The following DYM variants were observed in gnomAD, a reference collection of about 807,000 sequenced individuals.
DYM encodes the protein dyggve-Melchior-Clausen syndrome protein.
A neutral mutation model predicts 93.1 loss-of-function variants in DYM; 78 were observed. The observed-to-expected ratio is 0.84, with a 90% CI of 0.70 to 1.01. DYM has a LOEUF of 1.01. DYM is among the 50% of genes least tolerant of loss of function. The pLI is 0.00. For synonymous variants in DYM, 321 were observed against 319.7 expected, an observed-to-expected ratio of 1.00 and a Z score of -0.04; for missense variants, 789 against 845.0, an observed-to-expected ratio of 0.93 and a Z score of 0.82.
intron 10 of DYM, among the ~76,000 whole-genome samples, chr18:49,277,051 T>C (rs1248809254): frequency 6.6e-6 from 1 of 152,104 alleles, no homozygotes; most frequent in African/African-American, 2.4e-5. Flanking sequence ...TATGGATGGC[T>C]CCCTGTGACA....
chr18:49,436,140 G>A (rs774639171), intron 1 of DYM, among the ~76,000 whole-genome samples: 3 of 152,108 alleles, frequency 2.0e-5, no homozygotes, highest in Non-Finnish European at 4.4e-5. Context: ...AGCCTTCTGA[G>A]TAGGTGGGAT....
intron 2 of DYM, among the ~76,000 whole-genome samples, chr18:49,423,303 A>T (rs549424277): frequency 6.6e-6 from 1 of 152,360 alleles, no homozygotes; most frequent in African/African-American, 2.4e-5. Context: ...TACTGGGTAC[A>T]TAACAAAAGG....
chr18:49,331,918 G>C lies in DYM; in HGVS notation c.709C>G (p.Pro237Ala), dbSNP rs2063332643. The stretch of plus-strand genomic sequence containing the variant: ...AGTCCTCCCCCATCCGACTGCTGAG[G>C]GAAAACATGGGCCCCTGGAGGAGGT... ...KPPPPGAHVF[P>A]QQSDGGGLLY... is the part of the protein sequence containing the mutation. The change falls in exon 8 of 18, where the codon CCT (proline) becomes GCT (alanine). Residue 237 changes from proline (P) to alanine (A), a missense_variant. Around this residue, in one of 3 missense-constraint regions of DYM, gnomAD observed 450 missense variants for 436.2 expected, o/e 1.03. Coordinates refer to ENST00000675505, the MANE Select transcript of DYM (RefSeq NM_001353214.3). The C allele has an allele frequency of 6.2e-7, 1 of 1,614,092 alleles. No homozygotes were observed. The highest frequency in any genetic ancestry group is 1.3e-5 in the African/African-American group (1 of 75,038).
Position 49,268,959 on chromosome 18 carries a change from A to G in DYM, c.1251+3219T>C, listed in dbSNP as rs370401306. On this transcript the variant is annotated intron_variant, in intron 11 of 17. Transcript: ENST00000675505. ...AAAGCAAAAATAAATTAATGGGGCT[A>G]TATTAAACTAAAAAGCTTCTACACA... Among the ~76,000 whole-genome samples, 21 of 152,264 alleles carry G rather than the reference A, an allele frequency of 1.4e-4. No individual in the cohort carries two copies. In the South Asian group the frequency reaches 4.1e-3, roughly 30 times the overall value.
intron 14 of DYM, among the ~76,000 whole-genome samples, chr18:49,187,827 A>T (rs12104057): frequency 0.026 from 3,947 of 152,278 alleles, 162 homozygotes; most frequent in African/African-American, 0.089. Context: ...CCATGTTAGG[A>T]AAAATAACAT....
chr18:49,454,099 T>G (rs905459177), intron 1 of DYM, among the ~76,000 whole-genome samples: 3 of 152,142 alleles, frequency 2.0e-5, no homozygotes, highest in Non-Finnish European at 4.4e-5. Flanking sequence ...GACCCTTAGA[T>G]TGACCCCAGG....
In DYM at chr18:49,077,586, G is replaced by A. The variant is rs934718602; in HGVS notation, c.2025+19816C>T. On this transcript the variant is annotated intron_variant, in intron 17 of 17. Coordinates refer to ENST00000675505, the MANE Select transcript of DYM (RefSeq NM_001353214.3). The stretch of plus-strand genomic sequence containing the variant: ...AGACGTTCTACCAGTTGCTGAGGGA[G>A]GGTTAAGTCTCCAACACAGTGGAGT... 2.6e-5 allele frequency among the ~76,000 whole-genome samples: 4 copies of A among 152,192 alleles called. No individual in the cohort carries two copies. The East Asian group carries it at 7.7e-4, about 29-fold the overall frequency.
At chr18:49,426,384 T>C (rs1412084685) in intron 2 of DYM, among the ~76,000 whole-genome samples, 1 of 102,826 alleles carries the variant, frequency 9.7e-6, no homozygotes, top group East Asian at 3.3e-4. Flanking sequence ...CATCACACAC[T>C]GGGGCCTGTT....
chr18:49,392,036 G>A (rs1183515873), intron 2 of DYM, among the ~76,000 whole-genome samples: 2 of 152,116 alleles, frequency 1.3e-5, no homozygotes, highest in East Asian at 3.8e-4. Flanking sequence ...AATACATGGA[G>A]TGTCATGATT....
At chr18:49,167,782 C>T (rs1464092074) in intron 14 of DYM, among the ~76,000 whole-genome samples, 1 of 152,100 alleles carries the variant, frequency 6.6e-6, no homozygotes, top group Non-Finnish European at 1.5e-5. Context: ...ATTCACTTAG[C>T]TGGGATCTAT....
chr18:49,258,596 G>T, intron 11 of DYM, 103 bp from the exon 12 acceptor site: 1 of 773,914 alleles, frequency 1.3e-6, no homozygotes, highest in East Asian at 2.7e-5. Context: ...TGCTCTGAAG[G>T]TGAGTTAAGC....
intron 16 of DYM, among the ~76,000 whole-genome samples, chr18:49,104,523 C>T (rs1347879536): frequency 6.6e-6 from 1 of 152,122 alleles, no homozygotes; most frequent in Non-Finnish European, 1.5e-5. Flanking sequence ...AGTTTTTGCC[C>T]ATTCAGTATG....
At chr18:49,201,592 G>A (rs1012159756) in intron 14 of DYM, among the ~76,000 whole-genome samples, 4 of 152,172 alleles carry the variant, frequency 2.6e-5, no homozygotes, top group African/African-American at 4.8e-5. Context: ...CAAGGCCCTC[G>A]AGAGTCTGGC....
At chr18:49,455,625 T>G (rs761392357) in intron 1 of DYM, among the ~76,000 whole-genome samples, 9 of 152,138 alleles carry the variant, frequency 5.9e-5, no homozygotes, top group Non-Finnish European at 1.2e-4. Context: ...TCAAAAAGTA[T>G]GTAGGTTAGT....
At chr18:49,063,753 A>G (rs2144702510) in intron 17 of DYM, among the ~76,000 whole-genome samples, 1 of 151,500 alleles carries the variant, frequency 6.6e-6, no homozygotes, top group South Asian at 2.1e-4. Context: ...CAGCCTCCCA[A>G]GTAGCTGGGA....
intron 16 of DYM, 93 bp downstream of exon 16, chr18:49,118,651 T>C: frequency 8.4e-7 from 1 of 1,188,736 alleles, no homozygotes; most frequent in Non-Finnish European, 1.2e-6. Flanking sequence ...AAGAAGAAAC[T>C]CTTACTATTA....
intron 4 of DYM, 70 bp from the exon 5 acceptor site, chr18:49,378,770 A>T: frequency 1.9e-6 from 3 of 1,543,514 alleles, no homozygotes; most frequent in Non-Finnish European, 2.7e-6. Context: ...CTAGTTCATG[A>T]TTTCTTCCTG....
At chr18:49,219,764 A>T (rs1184448316) in intron 13 of DYM, among the ~76,000 whole-genome samples, 2 of 152,064 alleles carry the variant, frequency 1.3e-5, no homozygotes, top group Non-Finnish European at 2.9e-5. Context: ...TCTCAAAATA[A>T]TAAGAGCTAT....
intron 17 of DYM, among the ~76,000 whole-genome samples, chr18:49,056,033 C>T (rs2075444873): frequency 6.6e-6 from 1 of 152,156 alleles, no homozygotes; most frequent in South Asian, 2.1e-4. Flanking sequence ...GCCACGTGAG[C>T]CTGGCTAGGG....
Sources: gnomAD v4.1 joint callset for allele counts (sites outside exome capture counted in the v4.1 genomes callset) on GRCh38, gnomAD v4.1.1 for gene constraint, gnomAD v4.1.1 regional missense constraint, MANE v1.5 for transcripts, NCBI Gene and HGNC (gene_info 2026-07-23, HGNC 2026-07-21) for gene names.